The following CTNND2 variants were observed in gnomAD, a reference collection of about 807,000 sequenced individuals.
CTNND2 encodes catenin delta 2.
Under a neutral mutation model 144.4 loss-of-function variants are expected in CTNND2, and 22 were observed. The observed-to-expected ratio is 0.15, with a 90% CI of 0.11 to 0.22. The LOEUF is 0.22. Ranked by LOEUF, CTNND2 falls within the 10% of genes least tolerant of loss-of-function variation. The pLI, the probability that CTNND2 is intolerant of heterozygous loss-of-function variation, is 1.00. For missense variants in CTNND2, 1,353 were observed against 1,618.8 expected (o/e 0.84, Z 2.82); for synonymous variants, 751 against 695.6 (o/e 1.08, Z -1.25).
rs1234719292 is a variant in CTNND2 at position 11,463,867 on chromosome 5, AG to A, written c.288-51799del. On this transcript the variant is annotated intron_variant, in intron 3 of 21. Transcript: ENST00000304623. ...AAGCGTCCCTTACAAAAAAAAAAAA[AG>A]ATTTCATTTGAAAATGAGAAAGACA... Among the ~76,000 whole-genome samples the A allele has an allele frequency of 9.9e-5, 15 of 152,074 alleles. No individual in the cohort carries two copies. In the South Asian group the frequency reaches 3.1e-3, roughly 32 times the overall value.
chr5:11,188,028 G>A (rs755660509), intron 11 of CTNND2, among the ~76,000 whole-genome samples: 2 of 152,194 alleles, frequency 1.3e-5, no homozygotes, highest in Non-Finnish European at 2.9e-5. Flanking sequence ...TTCAATCATT[G>A]TGGAAGAAAA....
chr5:11,428,077 T>G (rs1387808864), intron 3 of CTNND2, among the ~76,000 whole-genome samples: 1 of 151,974 alleles, frequency 6.6e-6, no homozygotes, highest in Non-Finnish European at 1.5e-5. Context: ...GAGAACAGCA[T>G]GAAAAAGACC....
At chr5:11,504,368 G>T (rs1197279673) in intron 3 of CTNND2, among the ~76,000 whole-genome samples, 1 of 152,132 alleles carries the variant, frequency 6.6e-6, no homozygotes, top group Non-Finnish European at 1.5e-5. Flanking sequence ...CTAAAATCTT[G>T]TGTTTTTTAA....
At chr5:11,191,901 T>C (rs913019246) in intron 11 of CTNND2, among the ~76,000 whole-genome samples, 10 of 152,190 alleles carry the variant, frequency 6.6e-5, no homozygotes, top group African/African-American at 2.4e-4. Flanking sequence ...ATCCTGCTGT[T>C]CTTTCTGACT....
At chr5:11,769,194 C>G (rs1200454024) in intron 1 of CTNND2, among the ~76,000 whole-genome samples, 2 of 152,114 alleles carry the variant, frequency 1.3e-5, no homozygotes, top group Non-Finnish European at 2.9e-5. Flanking sequence ...CTATGCCTTG[C>G]TTTGAAAACC....
At chr5:11,205,159 TG>T (rs1383855231) in intron 10 of CTNND2, among the ~76,000 whole-genome samples, 2 of 152,178 alleles carry the variant, frequency 1.3e-5, no homozygotes, top group Non-Finnish European at 2.9e-5. Context: ...AATAATAGTG[TG>T]CAAGACTATC....
intron 3 of CTNND2, among the ~76,000 whole-genome samples, chr5:11,512,786 A>G (rs1771774472): frequency 6.6e-6 from 1 of 152,200 alleles, no homozygotes; most frequent in African/African-American, 2.4e-5. Context: ...AACATCTTCG[A>G]TGAGGGGAAC....
rs544187564 is a variant in CTNND2, at chr5:11,775,053, C to CG, written c.38-42782dup. ...TCAAAGACAGCCAAACAGAGCTGGG[C>CG]GGGGGGGCGGTGCGGGCAAGAAGAC... On this transcript the variant is annotated intron_variant, in intron 1 of 21. Transcript: ENST00000304623. Among the ~76,000 whole-genome samples the CG allele has an allele frequency of 3.5e-4, 53 of 151,818 alleles. No homozygotes were observed. The East Asian group carries it at 8.7e-3, about 25-fold the overall frequency.
chr5:11,320,451 G>A (rs912596573), intron 9 of CTNND2, among the ~76,000 whole-genome samples: 1 of 152,110 alleles, frequency 6.6e-6, no homozygotes, highest in Non-Finnish European at 1.5e-5. Flanking sequence ...CACCCAATCA[G>A]CTGAAGAACT....
At chr5:11,822,133 C>G (rs1019192546) in intron 1 of CTNND2, among the ~76,000 whole-genome samples, 4 of 152,048 alleles carry the variant, frequency 2.6e-5, no homozygotes, top group Admixed American at 2.6e-4. Context: ...TCAATATTAT[C>G]TTCATTTGAA....
At chr5:11,070,556 TATA>T (rs1748149510) in intron 16 of CTNND2, among the ~76,000 whole-genome samples, 1 of 152,008 alleles carries the variant, frequency 6.6e-6, no homozygotes, top group South Asian at 2.1e-4. Flanking sequence ...GTAGAGGAAA[TATA>T]ATAATCAATA....
intron 16 of CTNND2, among the ~76,000 whole-genome samples, chr5:11,049,886 T>C (rs1399305123): frequency 6.6e-6 from 1 of 152,190 alleles, no homozygotes; most frequent in East Asian, 1.9e-4. Flanking sequence ...GCTGTCTTAG[T>C]GGAGGGAAAT....
intron 12 of CTNND2, among the ~76,000 whole-genome samples, chr5:11,119,287 G>A (rs936647443): frequency 6.6e-6 from 1 of 152,188 alleles, no homozygotes; most frequent in Non-Finnish European, 1.5e-5. Context: ...TTCCACAGAC[G>A]TGTTAAGATA....
At chr5:11,642,850 G>T (rs981262834) in intron 2 of CTNND2, among the ~76,000 whole-genome samples, 35 of 152,148 alleles carry the variant, frequency 2.3e-4, no homozygotes, top group African/African-American at 8.0e-4. Context: ...AATAATTGCC[G>T]TGGTTACTGT....
intron 1 of CTNND2, among the ~76,000 whole-genome samples, chr5:11,882,717 G>A (rs1489104515): frequency 6.6e-6 from 1 of 152,110 alleles, no homozygotes; most frequent in Admixed American, 6.6e-5. Context: ...TAGATTTATA[G>A]TATATTTTAG....
intron 2 of CTNND2, among the ~76,000 whole-genome samples, chr5:11,576,102 T>C (rs1360804034): frequency 2.0e-5 from 3 of 152,158 alleles, no homozygotes; most frequent in South Asian, 2.1e-4. Flanking sequence ...CAGACATACA[T>C]AACAAATCAT....
At chr5:11,394,692 T>C (rs1409820654) in intron 6 of CTNND2, among the ~76,000 whole-genome samples, 1 of 152,212 alleles carries the variant, frequency 6.6e-6, no homozygotes, top group Non-Finnish European at 1.5e-5. Context: ...TTTGGGCTGA[T>C]AAGTTGGGGC....
At chr5:11,587,571 C>T (rs966773275) in intron 2 of CTNND2, among the ~76,000 whole-genome samples, 1 of 152,048 alleles carries the variant, frequency 6.6e-6, no homozygotes, top group Admixed American at 6.5e-5. Flanking sequence ...TCATTCTTCA[C>T]ACTTAGTTTA....
chr5:11,537,054 G>T (rs181896081), intron 3 of CTNND2, among the ~76,000 whole-genome samples: 2 of 108,628 alleles, frequency 1.8e-5, no homozygotes, highest in Admixed American at 2.4e-4. Context: ...GGCAGCAGGT[G>T]GGGGGAAGGA....
Sources: allele counts gnomAD v4.1 joint callset (sites outside exome capture counted in the v4.1 genomes callset), GRCh38; gene constraint gnomAD v4.1.1; transcripts MANE v1.5; gene names NCBI Gene and HGNC (gene_info 2026-07-23, HGNC 2026-07-21).